Variants in CDH18 observed in about 807,000 individuals in gnomAD.
CDH18 encodes the protein cadherin-18.
Under a neutral mutation model 67.9 loss-of-function variants are expected in CDH18, and 31 were observed. That is an observed-to-expected ratio of 0.46 (90% CI 0.34 to 0.62). The LOEUF is 0.62. Ranked by LOEUF, CDH18 falls within the 20% of genes least tolerant of loss-of-function variation. The pLI is 0.01. For synonymous variants in CDH18, 362 were observed against 347.2 expected, an observed-to-expected ratio of 1.04 and a Z score of -0.48; for missense variants, 890 against 975.5, an observed-to-expected ratio of 0.91 and a Z score of 1.17.
intron 2 of CDH18, among the ~76,000 whole-genome samples, chr5:19,899,836 CA>C (rs1312855059): frequency 1.3e-5 from 2 of 152,060 alleles, no homozygotes; most frequent in Non-Finnish European, 1.5e-5. Flanking sequence ...AAGCCAGTCA[CA>C]AAAGGACAAA....
At chr5:20,039,384 G>A (rs974134191) in intron 2 of CDH18, among the ~76,000 whole-genome samples, 1 of 152,074 alleles carries the variant, frequency 6.6e-6, no homozygotes, top group Non-Finnish European at 1.5e-5. Context: ...AGCCCATGTA[G>A]TCAACACATT....
chr5:20,475,092 C>T (rs1752345018), intron 1 of CDH18, among the ~76,000 whole-genome samples: 1 of 152,046 alleles, frequency 6.6e-6, no homozygotes, highest in Non-Finnish European at 1.5e-5. Flanking sequence ...TAACAAAATC[C>T]ATTAAAATTC....
At chr5:19,646,871 G>A (rs1431496517) in intron 5 of CDH18, among the ~76,000 whole-genome samples, 1 of 152,038 alleles carries the variant, frequency 6.6e-6, no homozygotes, top group African/African-American at 2.4e-5. Flanking sequence ...GATAGAAGAA[G>A]GGATAGAAGA....
chr5:20,234,571 C>G (rs1742331564), intron 2 of CDH18, among the ~76,000 whole-genome samples: 1 of 152,062 alleles, frequency 6.6e-6, no homozygotes, highest in Non-Finnish European at 1.5e-5. Flanking sequence ...TGAGCAGACA[C>G]TAGATCTGCT....
intron 5 of CDH18, among the ~76,000 whole-genome samples, chr5:19,645,665 G>A (rs918658288): frequency 6.6e-6 from 1 of 152,072 alleles, no homozygotes; most frequent in African/African-American, 2.4e-5. Context: ...ATTTCATTCT[G>A]GAATCAGTGC....
intron 1 of CDH18, among the ~76,000 whole-genome samples, chr5:20,297,344 A>G (rs572818727): frequency 6.6e-6 from 1 of 152,326 alleles, no homozygotes; most frequent in East Asian, 1.9e-4. Flanking sequence ...CCAAGTCACT[A>G]TCTAATGTCT....
At chr5:19,794,020 A>G (rs1776618000) in intron 3 of CDH18, among the ~76,000 whole-genome samples, 1 of 152,174 alleles carries the variant, frequency 6.6e-6, no homozygotes, top group South Asian at 2.1e-4. Context: ...ATATTTGATT[A>G]TTTATGAATT....
At chr5:20,375,996 C>A (rs573951447) in intron 1 of CDH18, among the ~76,000 whole-genome samples, 1 of 150,738 alleles carries the variant, frequency 6.6e-6, no homozygotes. Flanking sequence ...GACTGGGCAA[C>A]GTGGTATGTT....
At chr5:19,617,751 C>T (rs1264764212) in intron 5 of CDH18, among the ~76,000 whole-genome samples, 1 of 152,058 alleles carries the variant, frequency 6.6e-6, no homozygotes, top group Non-Finnish European at 1.5e-5. Flanking sequence ...TTGTAGGTGC[C>T]CGATTGCCTG....
At chr5:20,448,179 T>C (rs911841106) in intron 1 of CDH18, among the ~76,000 whole-genome samples, 17 of 152,110 alleles carry the variant, frequency 1.1e-4, no homozygotes, top group African/African-American at 4.1e-4. Context: ...GATAGTTTGC[T>C]GAGAATGATG....
At chr5:19,917,984 T>C (rs1445246144) in intron 2 of CDH18, among the ~76,000 whole-genome samples, 1 of 152,114 alleles carries the variant, frequency 6.6e-6, no homozygotes, top group Non-Finnish European at 1.5e-5. Flanking sequence ...GGGAGATGAG[T>C]AAGGTAACCT....
intron 2 of CDH18, among the ~76,000 whole-genome samples, chr5:20,253,278 C>G (rs1385473190): frequency 6.6e-6 from 1 of 152,112 alleles, no homozygotes; most frequent in African/African-American, 2.4e-5. Context: ...TCAACATACA[C>G]CACAGGTAAA....
At chr5:20,438,575 G>A (rs1462524638) in intron 1 of CDH18, among the ~76,000 whole-genome samples, 2 of 151,268 alleles carry the variant, frequency 1.3e-5, no homozygotes, top group Non-Finnish European at 1.5e-5. Flanking sequence ...AGCAATGAGA[G>A]GCTAAGGCAA....
chr5:20,036,871 C>T (rs1206019228), intron 2 of CDH18, among the ~76,000 whole-genome samples: 1 of 151,858 alleles, frequency 6.6e-6, no homozygotes, highest in Non-Finnish European at 1.5e-5. Context: ...TATGTAATGC[C>T]CTTCTTTGTC....
intron 1 of CDH18, among the ~76,000 whole-genome samples, chr5:20,526,213 T>C (rs915342442): frequency 1.3e-5 from 2 of 152,186 alleles, no homozygotes; most frequent in Admixed American, 6.5e-5. Flanking sequence ...AGGGCCTCCC[T>C]GTAGGACTTT....
At chr5:20,346,511 A>C (rs947815322) in intron 1 of CDH18, among the ~76,000 whole-genome samples, 4 of 152,112 alleles carry the variant, frequency 2.6e-5, no homozygotes, top group Admixed American at 1.3e-4. Context: ...AAGTGGGTGA[A>C]CTTGAAAAAA....
chr5:19,477,098 A>C (rs1738591874), intron 12 of CDH18, among the ~76,000 whole-genome samples: 1 of 149,702 alleles, frequency 6.7e-6, no homozygotes, highest in Non-Finnish European at 1.5e-5. Flanking sequence ...AGTGATTCCT[A>C]GGCTTGTTAC....
intron 2 of CDH18, among the ~76,000 whole-genome samples, chr5:20,016,288 A>G (rs999922122): frequency 6.6e-6 from 1 of 152,098 alleles, no homozygotes; most frequent in Non-Finnish European, 1.5e-5. Context: ...AAAAAGGGGA[A>G]CAACAGACAC....
At chr5:20,352,604 C>A (rs956424323) in intron 1 of CDH18, among the ~76,000 whole-genome samples, 1 of 147,718 alleles carries the variant, frequency 6.8e-6, no homozygotes, top group African/African-American at 2.5e-5. Flanking sequence ...AACGGTGAAA[C>A]CCCGTCTCTA....
Sources: gnomAD v4.1 joint callset for allele counts (sites outside exome capture counted in the v4.1 genomes callset) on GRCh38, gnomAD v4.1.1 for gene constraint, MANE v1.5 for transcripts, NCBI Gene and HGNC (gene_info 2026-07-23, HGNC 2026-07-21) for gene names.